IL1RAPL1: variants seen among roughly 807,000 people sequenced by gnomAD.
IL1RAPL1 encodes interleukin-1 receptor accessory protein-like 1.
A neutral mutation model predicts 48.4 loss-of-function variants in IL1RAPL1; 3 were observed. The observed-to-expected ratio is 0.06, with a 90% CI of 0.03 to 0.16. IL1RAPL1 has a LOEUF of 0.16. Ranked by LOEUF, IL1RAPL1 falls within the 10% of genes least tolerant of loss-of-function variation. IL1RAPL1 has a pLI of 1.00. For synonymous variants in IL1RAPL1, 185 were observed against 187.7 expected, an observed-to-expected ratio of 0.99 and a Z score of 0.12; for missense variants, 349 against 530.6, an observed-to-expected ratio of 0.66 and a Z score of 3.36.
intron 5 of IL1RAPL1, among the ~76,000 whole-genome samples, chrX:29,519,045 A>G (rs746756618): frequency 9.0e-6 from 1 of 111,615 alleles, no homozygotes; most frequent in Non-Finnish European, 1.9e-5. Context: ...TGTGAAAGAA[A>G]GAAAGGAGTC....
At chrX:28,890,647 G>A (rs1451874150) in intron 2 of IL1RAPL1, among the ~76,000 whole-genome samples, 1 of 111,516 alleles carries the variant, frequency 9.0e-6, no homozygotes, top group Non-Finnish European at 1.9e-5. Context: ...AAATGTTATT[G>A]GATCATGGTT....
chrX:28,724,974 C>T (rs745470571), intron 1 of IL1RAPL1, among the ~76,000 whole-genome samples: 5 of 93,392 alleles, frequency 5.4e-5, no homozygotes, highest in South Asian at 1.1e-3. Context: ...TTTTCTGAGA[C>T]GGAGTCTCAC....
intron 2 of IL1RAPL1, among the ~76,000 whole-genome samples, chrX:29,104,548 AGT>A (rs1313876568): frequency 1.5e-4 from 17 of 111,238 alleles, no homozygotes; most frequent in Non-Finnish European, 3.2e-4. Context: ...AATAAGATCT[AGT>A]ATTTGATAGC....
At chrX:29,469,509 A>G (rs1020900005) in intron 5 of IL1RAPL1, among the ~76,000 whole-genome samples, 4 of 111,883 alleles carry the variant, frequency 3.6e-5, no homozygotes, top group African/African-American at 1.3e-4. Context: ...ATAGAAATCA[A>G]TTTTTAGGTT....
At chrX:29,779,865 G>T (rs1929293310) in intron 6 of IL1RAPL1, among the ~76,000 whole-genome samples, 1 of 111,002 alleles carries the variant, frequency 9.0e-6, no homozygotes, top group Admixed American at 9.6e-5. Flanking sequence ...TGAAAATAAT[G>T]CTAAAGACAT....
chrX:29,118,825 G>T (rs1928726119), intron 2 of IL1RAPL1, among the ~76,000 whole-genome samples: 1 of 111,348 alleles, frequency 9.0e-6, no homozygotes, highest in Admixed American at 9.6e-5. Flanking sequence ...TATAAAATGG[G>T]CAAGAGATTT....
chrX:28,814,341 T>TTTTGTGTGTG (rs1555926315), intron 2 of IL1RAPL1, among the ~76,000 whole-genome samples: 2 of 89,749 alleles, frequency 2.2e-5, no homozygotes, highest in African/African-American at 8.4e-5. Context: ...ATTTTCAGGT[T>TTTTGTGTGTG]TGTGTGTGTG....
At chrX:29,170,041 A>G (rs745973319) in intron 2 of IL1RAPL1, among the ~76,000 whole-genome samples, 1 of 111,726 alleles carries the variant, frequency 9.0e-6, no homozygotes, top group East Asian at 2.8e-4. Context: ...AATGTACTAA[A>G]TTTGTACCCC....
At chrX:29,487,733 CT>C (rs1330395610) in intron 5 of IL1RAPL1, among the ~76,000 whole-genome samples, 1 of 112,062 alleles carries the variant, frequency 8.9e-6, no homozygotes, top group Admixed American at 9.4e-5. Context: ...AAAATCCAAT[CT>C]ATTCAGCCTA....
intron 1 of IL1RAPL1, among the ~76,000 whole-genome samples, chrX:28,751,527 T>A (rs1180177956): frequency 8.9e-6 from 1 of 112,060 alleles, no homozygotes; most frequent in Non-Finnish European, 1.9e-5. Context: ...GTAAAAAAAG[T>A]TGGTCTTTCC....
chrX:29,137,254 GCGCTCA>G (rs1929148442), intron 2 of IL1RAPL1, among the ~76,000 whole-genome samples: 1 of 34,745 alleles, frequency 2.9e-5, no homozygotes, highest in African/African-American at 1.2e-4. Context: ...ACACACACTT[GCGCTCA>G]CACACACACA....
intron 2 of IL1RAPL1, among the ~76,000 whole-genome samples, chrX:28,972,690 G>A (rs969555866): frequency 9.0e-6 from 1 of 111,510 alleles, no homozygotes; most frequent in Non-Finnish European, 1.9e-5. Context: ...AGTGAGCCGA[G>A]ATCGTGCCAC....
intron 2 of IL1RAPL1, among the ~76,000 whole-genome samples, chrX:29,148,034 AAGAG>A (rs1338593621): frequency 2.7e-5 from 3 of 112,199 alleles, no homozygotes; most frequent in Non-Finnish European, 3.8e-5. Flanking sequence ...CTCACAGAGA[AAGAG>A]AGACAGTGTG....
intron 1 of IL1RAPL1, among the ~76,000 whole-genome samples, chrX:28,746,298 T>C (rs1034490849): frequency 3.6e-5 from 4 of 111,789 alleles, no homozygotes; most frequent in South Asian, 7.4e-4. Flanking sequence ...CCCTGAGGCT[T>C]TAAAGAATTA....
chrX:29,551,942 G>T (rs977048986), intron 5 of IL1RAPL1, among the ~76,000 whole-genome samples: 1 of 111,259 alleles, frequency 9.0e-6, no homozygotes, highest in African/African-American at 3.3e-5. Context: ...AACACATATT[G>T]CAGGAAGAAA....
At chrX:28,658,448 C>G (rs1047511331) in intron 1 of IL1RAPL1, among the ~76,000 whole-genome samples, 3 of 111,616 alleles carry the variant, frequency 2.7e-5, no homozygotes, top group African/African-American at 9.8e-5. Context: ...AACTCCTGAC[C>G]TCAAATGATC....
chrX:28,961,111 G>T (rs2147362329), intron 2 of IL1RAPL1, among the ~76,000 whole-genome samples: 1 of 106,306 alleles, frequency 9.4e-6, no homozygotes, highest in Non-Finnish European at 1.9e-5. Flanking sequence ...GATAGCTTAT[G>T]CCCATAAAAT....
chrX:29,498,287 C>A (rs1279922918), intron 5 of IL1RAPL1, among the ~76,000 whole-genome samples: 1 of 111,456 alleles, frequency 9.0e-6, no homozygotes, highest in Non-Finnish European at 1.9e-5. Flanking sequence ...AGTTCTTCCC[C>A]CTCTTGGCCA....
intron 6 of IL1RAPL1, among the ~76,000 whole-genome samples, chrX:29,818,507 A>C (rs1447043142): frequency 8.9e-6 from 1 of 112,397 alleles, no homozygotes; most frequent in African/African-American, 3.2e-5. Flanking sequence ...AATGCTGGCC[A>C]ATGAGATTTA....
Sources: allele counts gnomAD v4.1 joint callset (sites outside exome capture counted in the v4.1 genomes callset), GRCh38; gene constraint gnomAD v4.1.1; transcripts MANE v1.5; gene names NCBI Gene and HGNC (gene_info 2026-07-23, HGNC 2026-07-21).